Variants in PTCHD4 observed in about 807,000 individuals in gnomAD.
PTCHD4 encodes patched domain-containing protein 4.
Under a neutral mutation model 58.1 loss-of-function variants are expected in PTCHD4, and 33 were observed. That is an observed-to-expected ratio of 0.57 (90% CI 0.43 to 0.76). PTCHD4 has a LOEUF of 0.76. PTCHD4 is among the 30% of genes least tolerant of loss of function. The pLI is 0.00. For synonymous variants in PTCHD4, 478 were observed against 409.6 expected (o/e 1.17, Z -2.02); for missense variants, 1,058 against 1,027.1 (o/e 1.03, Z -0.41).
At chr6:47,898,825 GGAAAGAAGAAAA>G in intron 4 of PTCHD4, among the ~76,000 whole-genome samples, 1 of 152,212 alleles carries the variant, frequency 6.6e-6, no homozygotes, top group African/African-American at 2.4e-5. Flanking sequence ...AGAGAGAAGG[GGAAAGAAGAAAA>G]GAGAGAAGAA....
chr6:48,009,231 T>C (rs996833861), intron 3 of PTCHD4, 117 bp from the exon 4 acceptor site: 8 of 1,103,392 alleles, frequency 7.3e-6, no homozygotes, highest in Non-Finnish European at 6.3e-6. Context: ...ATTGTGAAAC[T>C]GATGTGGGTG....
chr6:47,857,338 G>A lies in PTCHD4; in HGVS notation c.*20965C>T, dbSNP rs1269010852. 2.6e-5 allele frequency among the ~76,000 whole-genome samples: 4 copies of A among 152,132 alleles called. No individual in the cohort carries two copies. The highest frequency in any genetic ancestry group is 7.2e-5 in the African/African-American group (3 of 41,540). ...GACGACACAAAGTTTCTGCGAATAC[G>A]TAGTTTCATGTAGGGCATAACTTCT... On this transcript the variant is annotated 3_prime_UTR_variant, in exon 5 of 5. Coordinates refer to ENST00000339488, the MANE Select transcript of PTCHD4 (RefSeq NM_001384253.1).
chr6:47,930,473 C>A (rs1184298585), intron 4 of PTCHD4, among the ~76,000 whole-genome samples: 1 of 152,136 alleles, frequency 6.6e-6, no homozygotes, highest in Non-Finnish European at 1.5e-5. Flanking sequence ...TGTGTGTCTA[C>A]AAGATCACTA....
intron 1 of PTCHD4, among the ~76,000 whole-genome samples, chr6:48,107,417 A>T (rs570021818): frequency 2.0e-5 from 3 of 152,352 alleles, no homozygotes; most frequent in Admixed American, 2.0e-4. Context: ...GCTGAAATGG[A>T]TCCCTTCCTT....
chr6:47,913,434 T>C (rs1352147085), intron 4 of PTCHD4, among the ~76,000 whole-genome samples: 1 of 152,042 alleles, frequency 6.6e-6, no homozygotes, highest in Non-Finnish European at 1.5e-5. Flanking sequence ...ACTGAAGCAA[T>C]GTGTTTCTCT....
intron 3 of PTCHD4, among the ~76,000 whole-genome samples, chr6:48,050,577 A>G (rs1012553254): frequency 1.3e-5 from 2 of 151,990 alleles, no homozygotes; most frequent in African/African-American, 4.8e-5. Flanking sequence ...AAATGAGAAT[A>G]ATATAGTGCT....
intron 1 of PTCHD4, among the ~76,000 whole-genome samples, chr6:48,086,718 TGGG>T (rs1356456286): frequency 2.0e-5 from 3 of 152,202 alleles, no homozygotes; most frequent in African/African-American, 4.8e-5. Context: ...CTTATTTTCA[TGGG>T]GGAAAAAGAC....
chr6:48,000,903 T>A (rs942055227), intron 4 of PTCHD4, among the ~76,000 whole-genome samples: 1 of 152,076 alleles, frequency 6.6e-6, no homozygotes, highest in African/African-American at 2.4e-5. Flanking sequence ...TTCTTTTTAA[T>A]GCAAAATCCC....
chr6:48,031,618 G>A (rs561804298), intron 3 of PTCHD4, among the ~76,000 whole-genome samples: 2 of 152,138 alleles, frequency 1.3e-5, no homozygotes, highest in South Asian at 4.2e-4. Flanking sequence ...GGAATCCATG[G>A]GAATAGGGAA....
At chr6:47,880,069 G>A (rs1416318188) in intron 4 of PTCHD4, 133 bp from the exon 5 acceptor site, 1 of 723,194 alleles carries the variant, frequency 1.4e-6, no homozygotes, top group African/African-American at 1.8e-5. Flanking sequence ...CTCCTATCAG[G>A]GCCTCAAAAG....
chr6:48,070,853 A>T (rs1042869148), intron 1 of PTCHD4, among the ~76,000 whole-genome samples: 3 of 152,238 alleles, frequency 2.0e-5, no homozygotes, highest in African/African-American at 7.2e-5. Context: ...TTGGCTATAC[A>T]GCAGAGAGGA....
rs544103749 is a variant in PTCHD4, at chr6:47,949,818, T to C, written c.898+58816A>G. On this transcript the variant is annotated intron_variant, in intron 4 of 4. Coordinates refer to ENST00000339488, the MANE Select transcript of PTCHD4 (RefSeq NM_001384253.1). ...CTTTTATACAACCCCAGTTTGAATGTTCTGTTTCTTTCCTTTAGAGGTGCT... is the reference window on the plus strand; with the variant it reads ...CTTTTATACAACCCCAGTTTGAATGCTCTGTTTCTTTCCTTTAGAGGTGCT... Among the ~76,000 whole-genome samples the C allele has an allele frequency of 3.3e-5, 5 of 152,218 alleles. No individual in the cohort carries two copies. In the South Asian group the frequency reaches 1.0e-3, roughly 32 times the overall value.
chr6:48,033,079 G>T (rs1763507867), intron 3 of PTCHD4, among the ~76,000 whole-genome samples: 1 of 151,986 alleles, frequency 6.6e-6, no homozygotes, highest in African/African-American at 2.4e-5. Flanking sequence ...ACAGGGTTAT[G>T]ATTATAAAAA....
At chr6:48,024,547 T>C (rs79075365) in intron 3 of PTCHD4, among the ~76,000 whole-genome samples, 2,862 of 152,202 alleles carry the variant, frequency 0.019, 44 homozygotes, top group Non-Finnish European at 0.028. Flanking sequence ...AAACAATTCA[T>C]TGTGAAGGTA....
Position 47,878,243 on chromosome 6 carries a change from A to G in PTCHD4, c.*60T>C, listed in dbSNP as rs536543036. On this transcript the variant is annotated 3_prime_UTR_variant, in exon 5 of 5. Coordinates refer to ENST00000339488, the MANE Select transcript of PTCHD4 (RefSeq NM_001384253.1). ...CCCAAGCAGCTGAGGTCTGAGCTTT[A>G]CTTGCCCTGCATCATTGTGCAATAC... The G allele has an allele frequency of 6.0e-5, 88 of 1,461,932 alleles. No homozygotes were observed. The highest frequency in any genetic ancestry group is 4.6e-6 in the Non-Finnish European group (5 of 1,082,846). 90.6% of individuals were successfully genotyped at this position (1,461,932 alleles called of 1,614,324 possible). A position where few individuals can be genotyped will look rare whatever the true frequency, so the allele number is the denominator to read the frequency against.
chr6:47,863,822 A>G lies in PTCHD4; in HGVS notation c.*14481T>C, dbSNP rs1763489330. Among the ~76,000 whole-genome samples the G allele has an allele frequency of 6.6e-6, 1 of 151,972 alleles. No homozygotes were observed. The highest frequency in any genetic ancestry group is 1.5e-5 in the Non-Finnish European group (1 of 67,924). ...AAAAGACTGTCCAGAGCAACTTATT[A>G]CAAATAGAGATTACTAAGGCCATCC... On this transcript the variant is annotated 3_prime_UTR_variant, in exon 5 of 5. Transcript: ENST00000339488.
At chr6:48,064,963 C>T (rs1257097161) in intron 3 of PTCHD4, among the ~76,000 whole-genome samples, 2 of 152,110 alleles carry the variant, frequency 1.3e-5, no homozygotes, top group Non-Finnish European at 2.9e-5. Flanking sequence ...TATTCTAAGT[C>T]GATGGCTGCT....
chr6:48,043,473 C>T (rs1440296528), intron 3 of PTCHD4, among the ~76,000 whole-genome samples: 1 of 151,766 alleles, frequency 6.6e-6, no homozygotes, highest in Admixed American at 6.6e-5. Context: ...TGTTAAGATT[C>T]TGTTATCTCA....
In PTCHD4 at chr6:48,053,912, C is replaced by A. The variant is rs192415781; in HGVS notation, c.417+14318G>T. Among the ~76,000 whole-genome samples the A allele has an allele frequency of 9.5e-4, 145 of 152,272 alleles. 1 individual carries two copies. Among genetic ancestry groups the A allele is most frequent in the Middle Eastern group, 6.8e-3 (2 of 294 alleles). Reference sequence around the variant, plus strand: ...ATGTTCTCTCCTTTGAGACCCCAAACTTGGCCTGAAGCTGAGTTTCAGGGA... The same window carrying A: ...ATGTTCTCTCCTTTGAGACCCCAAAATTGGCCTGAAGCTGAGTTTCAGGGA... On this transcript the variant is annotated intron_variant, in intron 3 of 4. Transcript: ENST00000339488.
Sources: gnomAD v4.1 joint callset for allele counts (sites outside exome capture counted in the v4.1 genomes callset) on GRCh38, gnomAD v4.1.1 for gene constraint, MANE v1.5 for transcripts, NCBI Gene and HGNC (gene_info 2026-07-23, HGNC 2026-07-21) for gene names.